Variants in UTP18 observed in about 807,000 individuals in gnomAD.
UTP18 encodes the protein UTP18 small subunit processome component, also known as U3 small nucleolar RNA-associated protein 18 homolog.
Under a neutral mutation model 61.1 loss-of-function variants are expected in UTP18, and 36 were observed. The observed-to-expected ratio is 0.59, with a 90% CI of 0.45 to 0.78. The LOEUF is 0.78. Among genes scored for constraint, UTP18 ranks in the 30% least tolerant of loss-of-function variants. The probability of loss-of-function intolerance (pLI) is 0.00; values close to 1 mark genes in which losing one functional copy is unlikely to be tolerated. For synonymous variants in UTP18, 282 were observed against 251.1 expected (o/e 1.12, Z -1.16); for missense variants, 753 against 693.9 (o/e 1.09, Z -0.96).
At chr17:51,285,404 T>G in intron 10 of UTP18, 36 bp downstream of exon 10, 1 of 1,605,634 alleles carries the variant, frequency 6.2e-7, no homozygotes, top group Non-Finnish European at 8.5e-7. Context: ...CTTAATCACA[T>G]TGTGCTAATG....
At chr17:51,277,023 C>A in intron 6 of UTP18, 107 bp from the exon 7 acceptor site, 1 of 1,201,926 alleles carries the variant, frequency 8.3e-7, no homozygotes, top group Non-Finnish European at 1.2e-6. Flanking sequence ...AGCCTTCAGC[C>A]CCTTGGATAT....
At chr17:51,267,974 T>C (rs1488894779) in intron 3 of UTP18, among the ~76,000 whole-genome samples, 1 of 151,838 alleles carries the variant, frequency 6.6e-6, no homozygotes. Flanking sequence ...CTTTGCCCTC[T>C]TCCAGGTACC....
At chr17:51,276,213 CTG>C (rs1904716140) in intron 6 of UTP18, among the ~76,000 whole-genome samples, 1 of 152,198 alleles carries the variant, frequency 6.6e-6, no homozygotes, top group South Asian at 2.1e-4. Flanking sequence ...GCTCCAAAGT[CTG>C]TCGTCACTGT....
chr17:51,270,159 T>G (rs892645043), intron 4 of UTP18, among the ~76,000 whole-genome samples: 4 of 151,644 alleles, frequency 2.6e-5, no homozygotes, highest in African/African-American at 9.7e-5. Flanking sequence ...ACTAAACTGT[T>G]TTTTCCCCTT....
At chr17:51,275,088 T>C (rs1254890311) in intron 5 of UTP18, among the ~76,000 whole-genome samples, 1 of 151,720 alleles carries the variant, frequency 6.6e-6, no homozygotes, top group Non-Finnish European at 1.5e-5. Context: ...TCCCAGCTAC[T>C]TGGGAGGCTG....
At chr17:51,262,406 A>C (rs1015799809) in intron 1 of UTP18, among the ~76,000 whole-genome samples, 24 of 152,092 alleles carry the variant, frequency 1.6e-4, no homozygotes, top group African/African-American at 5.8e-4. Flanking sequence ...TGATAGTATA[A>C]ACTTTATGGT....
At chr17:51,261,998 T>A (rs923463424) in intron 1 of UTP18, among the ~76,000 whole-genome samples, 1 of 152,124 alleles carries the variant, frequency 6.6e-6, no homozygotes, top group African/African-American at 2.4e-5. Flanking sequence ...ATTAGACTAG[T>A]AGTAGAGCAA....
chr17:51,265,482 C>T (rs1456163054), intron 2 of UTP18, among the ~76,000 whole-genome samples: 2 of 149,132 alleles, frequency 1.3e-5, no homozygotes. Context: ...AGGCTGGTCT[C>T]GAGCTCCCGA....
chr17:51,273,569 A>T, intron 5 of UTP18, 119 bp downstream of exon 5: 1 of 653,260 alleles, frequency 1.5e-6, no homozygotes, highest in Non-Finnish European at 2.4e-6. Context: ...GTTTGCTGTC[A>T]TTTTGCCCTG....
intron 3 of UTP18, among the ~76,000 whole-genome samples, chr17:51,267,439 T>G (rs1251073048): frequency 6.6e-6 from 1 of 150,676 alleles, no homozygotes; most frequent in Non-Finnish European, 1.5e-5. Flanking sequence ...CTCTTCAATC[T>G]AGTTCTAAAA....
At chr17:51,296,763 C>T in intron 12 of UTP18, 2 of 510,762 alleles carry the variant, frequency 3.9e-6, no homozygotes. Flanking sequence ...TGGAGTAAGC[C>T]TACTCATGTT....
chr17:51,288,086 C>A lies in UTP18; in HGVS notation c.1386C>A (p.Asn462Lys), dbSNP rs1406842676. Residue 462 changes from asparagine (N) to lysine (K), a missense_variant, in exon 11 of 14, where the codon AAC becomes AAA. Asn to Lys is a moderately conservative substitution (Grantham distance 94). Coordinates refer to ENST00000225298, the MANE Select transcript of UTP18 (RefSeq NM_016001.3). ...YNQDSCLQET[N>K]PKPIKAIMNL... is the part of the protein sequence containing the mutation. ...AAGATTCTTGTCTCCAAGAAACAAA[C>A]CCAAAGCCAATAAAAGCTATAATGA... 9 of 1,609,494 alleles carry A rather than the reference C, an allele frequency of 5.6e-6. No individual in the cohort carries two copies. The highest frequency in any genetic ancestry group is 7.6e-6 in the Non-Finnish European group (9 of 1,178,746).
chr17:51,273,710 C>T (rs537491207), intron 5 of UTP18, among the ~76,000 whole-genome samples: 27 of 146,170 alleles, frequency 1.8e-4, no homozygotes, highest in East Asian at 1.0e-3. Flanking sequence ...TACTTTAGCC[C>T]GGGTGAAAGC....
chr17:51,288,504 ACTT>A (rs1421589508), intron 11 of UTP18: 1 of 472,940 alleles, frequency 2.1e-6, no homozygotes, highest in African/African-American at 2.0e-5. Context: ...TAAGGCAGAC[ACTT>A]CATTCCTTCA....
At chr17:51,279,912 A>G (rs1233352382) in intron 7 of UTP18, 93 bp from the exon 8 acceptor site, 5 of 1,052,786 alleles carry the variant, frequency 4.7e-6, no homozygotes, top group East Asian at 5.2e-5. Context: ...CCACTTACGT[A>G]TTTTAAAAAG....
intron 1 of UTP18, among the ~76,000 whole-genome samples, 194 bp from the exon 2 acceptor site, chr17:51,263,080 C>A (rs1317266154): frequency 1.3e-5 from 2 of 152,210 alleles, no homozygotes; most frequent in African/African-American, 4.8e-5. Context: ...CTCACCTGTC[C>A]AGTCGGTGCC....
chr17:51,275,849 G>T lies in UTP18; in HGVS notation c.712-17G>T. The T allele has an allele frequency of 6.3e-7, 1 of 1,578,268 alleles. No individual in the cohort carries two copies. Among genetic ancestry groups the T allele is most frequent in the Non-Finnish European group, 8.6e-7 (1 of 1,167,798 alleles). ...ATTCATTTCAATTGATAAAATCCCA[G>T]CTTTCATTTCCTATAGATGAAGAAC... is the stretch of plus-strand genomic sequence containing the variant. On this transcript the variant is annotated splice_polypyrimidine_tract_variant and intron_variant, in intron 5 of 13. Transcript: ENST00000225298.
chr17:51,277,101 C>T, intron 6 of UTP18, 29 bp from the exon 7 acceptor site: 1 of 1,603,526 alleles, frequency 6.2e-7, no homozygotes, highest in Non-Finnish European at 8.5e-7. Flanking sequence ...TGGAAATAAT[C>T]AAAAGAACCA....
At chr17:51,283,796 G>A (rs543797844) in intron 9 of UTP18, among the ~76,000 whole-genome samples, 17 of 151,694 alleles carry the variant, frequency 1.1e-4, no homozygotes, top group Non-Finnish European at 2.4e-4. Flanking sequence ...TGTATTTTTA[G>A]TAGAGATGGT....
Sources: allele counts gnomAD v4.1 joint callset (sites outside exome capture counted in the v4.1 genomes callset), GRCh38; gene constraint gnomAD v4.1.1; transcripts MANE v1.5; gene names NCBI Gene and HGNC (gene_info 2026-07-23, HGNC 2026-07-21).